Variants in LRMDA observed in about 807,000 individuals in gnomAD.
LRMDA encodes the protein leucine-rich melanocyte differentiation-associated protein.
Under a neutral mutation model 29.8 loss-of-function variants are expected in LRMDA, and 18 were observed. The observed-to-expected ratio is 0.60, with a 90% CI of 0.42 to 0.90. The LOEUF (loss-of-function observed/expected upper bound fraction) is 0.90, where lower values mean the gene tolerates loss of function less well. Ranked by LOEUF, LRMDA falls within the 40% of genes least tolerant of loss-of-function variation. LRMDA has a pLI of 0.00. For synonymous variants in LRMDA, 125 were observed against 109.4 expected, an observed-to-expected ratio of 1.14 and a Z score of -0.89; for missense variants, 273 against 273.9, an observed-to-expected ratio of 1.00 and a Z score of 0.02.
rs568277553 is a variant in LRMDA, at chr10:75,726,402, C to T, written c.131+287908C>T. 2.0e-4 allele frequency among the ~76,000 whole-genome samples: 31 copies of T among 152,292 alleles called. 1 individual carries two copies. The highest frequency in any genetic ancestry group is 3.4e-3 in the Middle Eastern group (1 of 294). On this transcript the variant is annotated intron_variant, in intron 2 of 6. Transcript: ENST00000611255. Reference sequence around the variant, plus strand: ...GAACTGTTGCTGACTTACTTAGCATCCATAGGTGAGCCACCTGCAGAAAGG... The same window carrying T: ...GAACTGTTGCTGACTTACTTAGCATTCATAGGTGAGCCACCTGCAGAAAGG...
At chr10:76,449,017 A>G (rs535936051) in intron 6 of LRMDA, among the ~76,000 whole-genome samples, 22 of 152,094 alleles carry the variant, frequency 1.4e-4, no homozygotes, top group Admixed American at 2.6e-4. Flanking sequence ...TTCTGACATT[A>G]TAATTTTATT....
rs1348552407 is a variant in LRMDA at position 75,969,032 on chromosome 10, C to T, written c.132-66976C>T. 2.0e-5 allele frequency among the ~76,000 whole-genome samples: 3 copies of T among 152,102 alleles called. No individual in the cohort carries two copies. In the East Asian group the frequency reaches 5.8e-4, roughly 29 times the overall value. On this transcript the variant is annotated intron_variant, in intron 2 of 6. Transcript: ENST00000611255. ...CTTGGGTAATATAATAAAGCCCAGG[C>T]CTTTAAAGACCAATGGCTTTCCTAA...
At chr10:75,452,169 T>C (rs894916281) in intron 2 of LRMDA, among the ~76,000 whole-genome samples, 4 of 152,144 alleles carry the variant, frequency 2.6e-5, no homozygotes, top group African/African-American at 9.7e-5. Context: ...CTCTGCTCAC[T>C]TCCTCCTTCA....
chr10:75,893,719 A>G (rs988416377), intron 2 of LRMDA, among the ~76,000 whole-genome samples: 1 of 152,096 alleles, frequency 6.6e-6, no homozygotes, highest in Non-Finnish European at 1.5e-5. Flanking sequence ...GTGGACCTTG[A>G]GGTCAGGTGT....
At chr10:76,243,436 A>G (rs1403238077) in intron 5 of LRMDA, among the ~76,000 whole-genome samples, 2 of 152,194 alleles carry the variant, frequency 1.3e-5, no homozygotes, top group Non-Finnish European at 2.9e-5. Flanking sequence ...GCTGTAGCTT[A>G]CGTCGACACC....
chr10:76,166,273 G>A (rs1850738800), intron 5 of LRMDA, among the ~76,000 whole-genome samples: 1 of 152,130 alleles, frequency 6.6e-6, no homozygotes, highest in African/African-American at 2.4e-5. Context: ...AACCTGCTTG[G>A]TTCTTTGTTA....
intron 6 of LRMDA, among the ~76,000 whole-genome samples, chr10:76,428,986 A>G (rs1842160153): frequency 6.6e-6 from 1 of 151,598 alleles, no homozygotes; most frequent in African/African-American, 2.4e-5. Flanking sequence ...GTGGACTGAA[A>G]CCTTGCTGTT....
At chr10:75,758,122 C>A (rs1843054476) in intron 2 of LRMDA, among the ~76,000 whole-genome samples, 1 of 152,172 alleles carries the variant, frequency 6.6e-6, no homozygotes, top group African/African-American at 2.4e-5. Context: ...TCTTATTGAG[C>A]CCTGGTGAGG....
At chr10:76,276,061 TTCTC>T (rs982046818) in intron 5 of LRMDA, among the ~76,000 whole-genome samples, 5 of 147,882 alleles carry the variant, frequency 3.4e-5, no homozygotes, top group Non-Finnish European at 7.5e-5. Context: ...ATCTCTTTCT[TTCTC>T]TCTTTCTTTC....
chr10:75,598,436 C>G (rs1017075259), intron 2 of LRMDA, among the ~76,000 whole-genome samples: 1 of 152,032 alleles, frequency 6.6e-6, no homozygotes, highest in African/African-American at 2.4e-5. Context: ...TCTTTTAAGA[C>G]AGAAGGCCTC....
At chr10:75,658,056 T>G (rs185740202) in intron 2 of LRMDA, among the ~76,000 whole-genome samples, 49 of 152,082 alleles carry the variant, frequency 3.2e-4, no homozygotes, top group Non-Finnish European at 5.3e-4. Flanking sequence ...GACTTTTTTG[T>G]ACCTATCCCA....
At chr10:75,603,570 CCCAA>C (rs1840915802) in intron 2 of LRMDA, among the ~76,000 whole-genome samples, 2 of 152,168 alleles carry the variant, frequency 1.3e-5, no homozygotes, top group African/African-American at 4.8e-5. Context: ...GTTAGTGATT[CCCAA>C]TATTTTAAGG....
At chr10:75,899,472 G>A (rs925277378) in intron 2 of LRMDA, among the ~76,000 whole-genome samples, 1 of 152,238 alleles carries the variant, frequency 6.6e-6, no homozygotes, top group Non-Finnish European at 1.5e-5. Flanking sequence ...CCTGTAGTTT[G>A]TCTTAATCCT....
intron 6 of LRMDA, among the ~76,000 whole-genome samples, chr10:76,363,215 A>AGGGAGGGAGGGG (rs1554815873): frequency 4.0e-5 from 1 of 25,004 alleles, no homozygotes; most frequent in African/African-American, 2.1e-4. Context: ...GGAGGGAAGG[A>AGGGAGGGAGGGG]AGAGAAAGAA....
At chr10:75,764,261 G>A (rs1843133162) in intron 2 of LRMDA, among the ~76,000 whole-genome samples, 1 of 152,168 alleles carries the variant, frequency 6.6e-6, no homozygotes, top group Non-Finnish European at 1.5e-5. Context: ...CGGCTGCCAA[G>A]ACTCTTGTCA....
intron 6 of LRMDA, among the ~76,000 whole-genome samples, chr10:76,327,789 G>A (rs1840854427): frequency 6.6e-6 from 1 of 152,176 alleles, no homozygotes; most frequent in East Asian, 1.9e-4. Flanking sequence ...GTGGACCTCA[G>A]ACCTCAATTC....
intron 6 of LRMDA, among the ~76,000 whole-genome samples, chr10:76,405,699 A>G (rs987033775): frequency 4.6e-5 from 7 of 152,318 alleles, no homozygotes; most frequent in Admixed American, 4.6e-4. Context: ...AGCAGTGGAG[A>G]CAATCACATT....
intron 5 of LRMDA, among the ~76,000 whole-genome samples, chr10:76,303,103 G>C (rs1840502508): frequency 1.3e-5 from 2 of 152,012 alleles, no homozygotes; most frequent in Admixed American, 1.3e-4. Context: ...CAAGCCCCTT[G>C]CTGAACTCTT....
At chr10:76,127,565 T>C (rs1009049166) in intron 5 of LRMDA, among the ~76,000 whole-genome samples, 5 of 60,040 alleles carry the variant, frequency 8.3e-5, no homozygotes, top group African/African-American at 3.0e-4. Flanking sequence ...AATGAAAGAG[T>C]GCAGAGTTTT....
Sources: gnomAD v4.1 joint callset for allele counts (sites outside exome capture counted in the v4.1 genomes callset) on GRCh38, gnomAD v4.1.1 for gene constraint, MANE v1.5 for transcripts, NCBI Gene and HGNC (gene_info 2026-07-23, HGNC 2026-07-21) for gene names.